Variants in NEK1 observed in about 807,000 individuals in gnomAD.
NEK1 encodes the protein NIMA related kinase 1.
In NEK1, 137 loss-of-function variants were observed where a neutral mutation model predicts 182.1. The observed-to-expected ratio is 0.75, with a 90% CI of 0.65 to 0.87. The LOEUF is 0.87. Among genes scored for constraint, NEK1 ranks in the 40% least tolerant of loss-of-function variants. NEK1 has a pLI of 0.00. For missense variants in NEK1, 1,391 were observed against 1,494.4 expected (o/e 0.93, Z 1.14); for synonymous variants, 513 against 492.2 (o/e 1.04, Z -0.56).
At chr4:169,439,869 T>TA (rs1739113372) in intron 27 of NEK1, among the ~76,000 whole-genome samples, 1 of 148,346 alleles carries the variant, frequency 6.7e-6, no homozygotes, top group Non-Finnish European at 1.5e-5. Flanking sequence ...TTTTTTTTGT[T>TA]AGAGACCTGA....
At chr4:169,428,720 T>C (rs1579532707) in intron 29 of NEK1, among the ~76,000 whole-genome samples, 1 of 152,182 alleles carries the variant, frequency 6.6e-6, no homozygotes, top group Admixed American at 6.5e-5. Context: ...TTACGTTATG[T>C]GAATTTTATT....
chr4:169,499,307 T>C (rs1751979627), intron 23 of NEK1, among the ~76,000 whole-genome samples: 1 of 83,382 alleles, frequency 1.2e-5, no homozygotes, highest in African/African-American at 1.3e-4. Flanking sequence ...TTCATCTAAT[T>C]TTTTTTTCAA....
intron 23 of NEK1, among the ~76,000 whole-genome samples, chr4:169,481,745 G>A (rs1748064172): frequency 6.6e-6 from 1 of 152,152 alleles, no homozygotes; most frequent in Non-Finnish European, 1.5e-5. Flanking sequence ...AAGGGTCCTA[G>A]GAGTTTCAGA....
intron 27 of NEK1, among the ~76,000 whole-genome samples, chr4:169,449,183 T>C (rs956962119): frequency 6.6e-6 from 1 of 152,154 alleles, no homozygotes; most frequent in African/African-American, 2.4e-5. Flanking sequence ...CCACCGCAGC[T>C]CAACAAGGCC....
chr4:169,424,952 T>G (rs545246942), intron 30 of NEK1, among the ~76,000 whole-genome samples, 152 bp from the exon 31 acceptor site: 3 of 152,216 alleles, frequency 2.0e-5, no homozygotes, highest in Non-Finnish European at 4.4e-5. Context: ...TATATTACCT[T>G]CTGAATAATC....
At chr4:169,501,317 A>G (rs2149668595) in intron 23 of NEK1, among the ~76,000 whole-genome samples, 1 of 152,320 alleles carries the variant, frequency 6.6e-6, no homozygotes, top group East Asian at 1.9e-4. Context: ...TGGACACTTT[A>G]ACACCCCACT....
chr4:169,575,871 T>C (rs1386263659), intron 12 of NEK1, among the ~76,000 whole-genome samples: 1 of 152,168 alleles, frequency 6.6e-6, no homozygotes, highest in African/African-American at 2.4e-5. Flanking sequence ...GCACTAGGAA[T>C]AGCAGCTGCT....
At chr4:169,589,555 T>A (rs1164211128) in intron 6 of NEK1, 41 bp from the exon 7 acceptor site, 6 of 1,193,606 alleles carry the variant, frequency 5.0e-6, no homozygotes, top group Non-Finnish European at 7.1e-6. Flanking sequence ...GAAATATTGT[T>A]ACAGTCCAGT....
chr4:169,395,988 C>T (rs913275642), intron 35 of NEK1, among the ~76,000 whole-genome samples: 8 of 152,056 alleles, frequency 5.3e-5, no homozygotes, highest in Admixed American at 4.6e-4. Flanking sequence ...TCATTTTAGC[C>T]GATGTATACA....
chr4:169,606,654 A>G (rs1011339572), intron 2 of NEK1, among the ~76,000 whole-genome samples: 4 of 152,210 alleles, frequency 2.6e-5, no homozygotes, highest in Non-Finnish European at 5.9e-5. Context: ...AAGACCACAG[A>G]TATCTCTAGA....
chr4:169,418,531 A>G (rs1366810646), intron 31 of NEK1, among the ~76,000 whole-genome samples: 2 of 152,216 alleles, frequency 1.3e-5, no homozygotes, highest in Non-Finnish European at 2.9e-5. Context: ...TTAAAGGATA[A>G]ACACGAACAT....
At chr4:169,454,834 C>T (rs1305015028) in intron 27 of NEK1, among the ~76,000 whole-genome samples, 2 of 152,124 alleles carry the variant, frequency 1.3e-5, no homozygotes, top group Non-Finnish European at 2.9e-5. Context: ...ACTGGGTATA[C>T]ACCCAAAGGA....
intron 27 of NEK1, among the ~76,000 whole-genome samples, chr4:169,443,458 T>C (rs1449372701): frequency 6.7e-6 from 1 of 148,542 alleles, no homozygotes; most frequent in Non-Finnish European, 1.5e-5. Flanking sequence ...AACAGTTCTT[T>C]CGAAATAATC....
At chr4:169,518,472 A>AT (rs1294748601) in intron 19 of NEK1, among the ~76,000 whole-genome samples, 2 of 124,640 alleles carry the variant, frequency 1.6e-5, no homozygotes, top group Admixed American at 7.8e-5. Flanking sequence ...GGATTCATTG[A>AT]TTTTTTGAAG....
intron 35 of NEK1, among the ~76,000 whole-genome samples, chr4:169,398,354 A>G (rs1219337625): frequency 6.6e-6 from 1 of 152,068 alleles, no homozygotes; most frequent in Non-Finnish European, 1.5e-5. Flanking sequence ...GCCTGAAAAA[A>G]ATACTTTTTG....
intron 5 of NEK1, among the ~76,000 whole-genome samples, chr4:169,597,962 AAATAAT>A (rs1056177688): frequency 4.6e-5 from 7 of 151,732 alleles, no homozygotes; most frequent in Admixed American, 1.3e-4. Context: ...AAAAATAAAT[AAATAAT>A]AATAATATCC....
chr4:169,405,277 T>A (rs527398160), intron 32 of NEK1, among the ~76,000 whole-genome samples: 2 of 152,340 alleles, frequency 1.3e-5, no homozygotes, highest in African/African-American at 4.8e-5. Flanking sequence ...CTGTACAGCA[T>A]ATGACTGTAC....
In NEK1 at chr4:169,433,457, G is replaced by A; in HGVS notation, c.2885+88C>T. On this transcript the variant is annotated intron_variant, in intron 29 of 35. Coordinates refer to ENST00000507142, the MANE Select transcript of NEK1 (RefSeq NM_001199397.3). ...AGGTATTACAATATTAGGATATTAT[G>A]TTGCAATATTAGCTTATTATAGTAT... The A allele has an allele frequency of 4.1e-6, 5 of 1,210,390 alleles. No individual in the cohort carries two copies. The South Asian group carries it at 4.6e-5, about 11-fold the overall frequency. 75.0% of individuals were successfully genotyped at this position (1,210,390 alleles called of 1,614,324 possible).
intron 16 of NEK1, among the ~76,000 whole-genome samples, chr4:169,559,517 G>A (rs1047563748): frequency 1.7e-4 from 26 of 152,208 alleles, no homozygotes; most frequent in African/African-American, 6.0e-4. Context: ...AAGAACTTCT[G>A]CACCTCAAGA....
Sources: gnomAD v4.1 joint callset for allele counts (sites outside exome capture counted in the v4.1 genomes callset) on GRCh38, gnomAD v4.1.1 for gene constraint, MANE v1.5 for transcripts, NCBI Gene and HGNC (gene_info 2026-07-23, HGNC 2026-07-21) for gene names.